The following SORBS2 variants were observed in gnomAD, a reference collection of about 807,000 sequenced individuals.
SORBS2 encodes sorbin and SH3 domain containing 2.
SORBS2 carries 46 observed loss-of-function variants against 97.7 expected under a neutral mutation model. The observed-to-expected ratio is 0.47, with a 90% CI of 0.37 to 0.60. The LOEUF is 0.60. SORBS2 is among the 20% of genes least tolerant of loss of function. The pLI is 0.00. For missense variants in SORBS2, 1,316 were observed against 1,282.3 expected, an observed-to-expected ratio of 1.03 and a Z score of -0.40; for synonymous variants, 476 against 473.4, an observed-to-expected ratio of 1.01 and a Z score of -0.07.
At chr4:185,873,024 C>T (rs1199070327) in intron 1 of SORBS2, among the ~76,000 whole-genome samples, 2 of 152,098 alleles carry the variant, frequency 1.3e-5, no homozygotes, top group East Asian at 1.9e-4. Context: ...TAGCAGAGAG[C>T]CTAGCATAGA....
At chr4:185,645,964 A>C (rs1399831324) in intron 4 of SORBS2, 2 of 152,152 alleles carry the variant, frequency 1.3e-5, no homozygotes, top group Non-Finnish European at 2.9e-5. Flanking sequence ...AAGTGTATAG[A>C]TATTTTTGTT....
intron 1 of SORBS2, among the ~76,000 whole-genome samples, chr4:185,871,021 C>A (rs2099230133): frequency 6.6e-6 from 1 of 152,126 alleles, no homozygotes; most frequent in South Asian, 2.1e-4. Context: ...GAAATAACTT[C>A]CCAAATACAA....
intron 2 of SORBS2, chr4:185,740,158 A>G (rs1419969529): frequency 2.0e-5 from 3 of 152,584 alleles, no homozygotes; most frequent in Admixed American, 1.3e-4. Flanking sequence ...AAAATAGATG[A>G]TGGAAAACCG....
rs149995516 is a variant in SORBS2 at position 185,934,610 on chromosome 4, A to C, written c.-338+21586T>G. The stretch of plus-strand genomic sequence containing the variant: ...ACCCCAGCTCTACTAAAAATACAAA[A>C]AACAACAACAACAACAACAACAAAT... On this transcript the variant is annotated intron_variant, in intron 1 of 20. Coordinates refer to the SORBS2 transcript ENST00000284776. Among the ~76,000 whole-genome samples, 532 of 151,868 alleles carry C rather than the reference A, an allele frequency of 3.5e-3. 3 individuals are homozygous for C. The highest frequency in any genetic ancestry group is 0.011 in the African/African-American group (453 of 41,394).
rs2098799037 is a variant in SORBS2, at chr4:185,751,280, G to GCT, written c.-198+23945_-198+23946dup. Among the ~76,000 whole-genome samples, 4 of 151,134 alleles carry GCT rather than the reference G, an allele frequency of 2.6e-5. No individual in the cohort carries two copies. The South Asian group carries it at 8.5e-4, about 32-fold the overall frequency. ...GAACTTTTTGAGAAGCATGTAGGTGGCTAAGTCAGTTTGGATGTTAGGAAC... is the reference window on the plus strand; with the variant it reads ...GAACTTTTTGAGAAGCATGTAGGTGGCTCTAAGTCAGTTTGGATGTTAGGAAC... On this transcript the variant is annotated intron_variant, in intron 2 of 20. Transcript: ENST00000284776.
At chr4:185,747,187 G>T (rs752988281) in intron 2 of SORBS2, among the ~76,000 whole-genome samples, 2 of 152,088 alleles carry the variant, frequency 1.3e-5, no homozygotes, top group Non-Finnish European at 1.5e-5. Flanking sequence ...GGTGGCCGTC[G>T]GCAAGACAAG....
At chr4:185,668,256 A>G (rs1373876127) in intron 4 of SORBS2, among the ~76,000 whole-genome samples, 1 of 152,232 alleles carries the variant, frequency 6.6e-6, no homozygotes, top group Non-Finnish European at 1.5e-5. Flanking sequence ...TAGTTTGCAT[A>G]GCACTGTGTC....
intron 1 of SORBS2, among the ~76,000 whole-genome samples, chr4:185,819,227 A>G (rs1432841588): frequency 1.3e-5 from 2 of 152,194 alleles, no homozygotes; most frequent in Non-Finnish European, 2.9e-5. Flanking sequence ...AATTGGCCTC[A>G]TGATTATTAG....
intron 2 of SORBS2, among the ~76,000 whole-genome samples, chr4:185,728,119 T>C (rs1471818486): frequency 1.3e-5 from 2 of 152,158 alleles, no homozygotes; most frequent in East Asian, 3.8e-4. Context: ...TCTGCGGGTC[T>C]ATCCAGCCTG....
chr4:185,917,146 C>T (rs115281182), intron 1 of SORBS2, among the ~76,000 whole-genome samples: 1,961 of 152,282 alleles, frequency 0.013, 26 homozygotes, highest in African/African-American at 0.034. Flanking sequence ...TCCTGGAGGG[C>T]GGTGTGGCAG....
At chr4:185,785,924 G>A (rs2099054374) in intron 1 of SORBS2, among the ~76,000 whole-genome samples, 1 of 152,158 alleles carries the variant, frequency 6.6e-6, no homozygotes, top group Non-Finnish European at 1.5e-5. Context: ...AAGAAGAGGG[G>A]TGAAGAATAT....
intron 2 of SORBS2, among the ~76,000 whole-genome samples, chr4:185,768,685 T>C (rs1172764928): frequency 3.1e-5 from 4 of 127,520 alleles, no homozygotes; most frequent in Non-Finnish European, 6.3e-5. Context: ...GGCAACAGAG[T>C]GAGACTCTGT....
At chr4:185,879,929 G>A (rs2149773466) in intron 1 of SORBS2, among the ~76,000 whole-genome samples, 1 of 152,284 alleles carries the variant, frequency 6.6e-6, no homozygotes, top group East Asian at 1.9e-4. Context: ...GAGCCACGGT[G>A]ACACGTACAG....
chr4:185,623,941 G>A lies in SORBS2; in HGVS notation c.1188C>T (p.Ala396=). 6.2e-7 allele frequency: 1 copy of A among 1,614,210 alleles called. No individual in the cohort carries two copies. The highest frequency in any genetic ancestry group is 8.5e-7 in the Non-Finnish European group (1 of 1,180,022). ...CCTCCTCCGTGGAGCACTGGCTCCA[G>A]GCGCGCAGCAGGTCCTTGTGCTGCT... The change falls in exon 7 of 15, where the codon GCC becomes GCT. Residue 396 remains alanine, a synonymous_variant. Coordinates refer to ENST00000418609, the Ensembl canonical transcript of SORBS2. The surrounding 1 kb of genome is among the most constrained non-coding windows in gnomAD (Gnocchi z 6.4).
chr4:185,892,203 A>G (rs1013109261), intron 1 of SORBS2, among the ~76,000 whole-genome samples: 1 of 152,220 alleles, frequency 6.6e-6, no homozygotes, highest in African/African-American at 2.4e-5. Flanking sequence ...AAGAATTTCA[A>G]TTGCTTTAAG....
intron 4 of SORBS2, 38 bp from the exon 15 acceptor site, chr4:185,638,200 C>T: frequency 7.8e-7 from 1 of 1,285,976 alleles, no homozygotes; most frequent in East Asian, 2.3e-5. Context: ...GGAAAAGGCA[C>T]ACTGAGCAAA....
At chr4:185,828,468 T>C (rs2099203208) in intron 1 of SORBS2, among the ~76,000 whole-genome samples, 1 of 151,840 alleles carries the variant, frequency 6.6e-6, no homozygotes, top group South Asian at 2.1e-4. Flanking sequence ...AAATCATCAT[T>C]ATCATCATCA....
chr4:185,626,363 A>T (rs1158213058), intron 6 of SORBS2, among the ~76,000 whole-genome samples: 1 of 152,204 alleles, frequency 6.6e-6, no homozygotes, highest in East Asian at 1.9e-4. Flanking sequence ...AATAGGTCGG[A>T]TTTTTTTAAA....
intron 2 of SORBS2, among the ~76,000 whole-genome samples, chr4:185,727,585 A>T (rs1321197744): frequency 6.6e-6 from 1 of 152,240 alleles, no homozygotes; most frequent in Non-Finnish European, 1.5e-5. Flanking sequence ...AAGCCTGAAG[A>T]CATTATTAAC....
Sources: allele counts gnomAD v4.1 joint callset (sites outside exome capture counted in the v4.1 genomes callset), GRCh38; gene constraint gnomAD v4.1.1; non-coding constraint Gnocchi (gnomAD v3.1); transcripts MANE v1.5; gene names NCBI Gene and HGNC (gene_info 2026-07-23, HGNC 2026-07-21).